The following WWOX variants were observed in gnomAD, a reference collection of about 807,000 sequenced individuals.
WWOX encodes WW domain containing oxidoreductase.
In WWOX, 69 loss-of-function variants were observed where a neutral mutation model predicts 46.2. That is an observed-to-expected ratio of 1.49 (90% CI 1.23 to 1.82). The LOEUF (loss-of-function observed/expected upper bound fraction) is 1.82, where lower values mean the gene tolerates loss of function less well. Among genes scored for constraint, WWOX ranks in the 40% most tolerant of loss-of-function variants. WWOX has a pLI of 0.00. For missense variants in WWOX, 919 were observed against 542.6 expected, an observed-to-expected ratio of 1.69 and a Z score of -6.89; for synonymous variants, 359 against 202.6, an observed-to-expected ratio of 1.77 and a Z score of -6.56.
At chr16:78,516,088 C>T (rs1413112102) in intron 8 of WWOX, among the ~76,000 whole-genome samples, 2 of 152,084 alleles carry the variant, frequency 1.3e-5, no homozygotes, top group East Asian at 1.9e-4. Context: ...TTATTGAAAC[C>T]GTGCAAATGA....
At chr16:79,000,819 C>G (rs963847890) in intron 8 of WWOX, among the ~76,000 whole-genome samples, 1 of 152,168 alleles carries the variant, frequency 6.6e-6, no homozygotes, top group African/African-American at 2.4e-5. Flanking sequence ...AGTTCTCCAG[C>G]CTTCCCCATT....
At chr16:78,554,635 G>C (rs2458029) in intron 8 of WWOX, among the ~76,000 whole-genome samples, 1 of 151,846 alleles carries the variant, frequency 6.6e-6, no homozygotes, top group Non-Finnish European at 1.5e-5. Context: ...CTTTGGACAA[G>C]AAAAAATCCC....
intron 8 of WWOX, among the ~76,000 whole-genome samples, chr16:78,831,535 G>A (rs1294424669): frequency 6.6e-6 from 1 of 152,166 alleles, no homozygotes; most frequent in African/African-American, 2.4e-5. Context: ...CCATGCCCGG[G>A]TGCACAAAGC....
chr16:78,974,238 T>C (rs947088138), intron 8 of WWOX, among the ~76,000 whole-genome samples: 3 of 152,212 alleles, frequency 2.0e-5, no homozygotes, highest in African/African-American at 7.2e-5. Context: ...TTTGGATTTG[T>C]GTTAGAGAAA....
intron 8 of WWOX, among the ~76,000 whole-genome samples, chr16:78,541,213 G>T (rs575454848): frequency 1.3e-4 from 19 of 151,974 alleles, no homozygotes; most frequent in Non-Finnish European, 1.6e-4. Context: ...GGTGGCTCAC[G>T]CCTGTAATCC....
At chr16:79,096,445 C>T (rs2049075821) in intron 8 of WWOX, among the ~76,000 whole-genome samples, 1 of 152,088 alleles carries the variant, frequency 6.6e-6, no homozygotes. Context: ...GGCCTCCCTG[C>T]TGTTCAATGG....
intron 8 of WWOX, among the ~76,000 whole-genome samples, chr16:78,836,959 C>G (rs975333780): frequency 6.6e-5 from 10 of 152,048 alleles, no homozygotes; most frequent in African/African-American, 2.2e-4. Flanking sequence ...TCAAGTGCAG[C>G]AGAAGAGAGA....
intron 8 of WWOX, chr16:79,196,470 C>T (rs539076616): frequency 6.6e-6 from 1 of 152,272 alleles, no homozygotes; most frequent in East Asian, 1.9e-4. Context: ...AGGGTTATCT[C>T]TGCTCACTTA....
intron 8 of WWOX, among the ~76,000 whole-genome samples, chr16:79,109,407 C>G (rs1044882936): frequency 2.0e-5 from 3 of 152,034 alleles, no homozygotes; most frequent in Non-Finnish European, 4.4e-5. Context: ...GATCAAGTAG[C>G]GGTGATAGGT....
intron 8 of WWOX, among the ~76,000 whole-genome samples, chr16:78,868,828 C>T (rs146012412): frequency 1.3e-5 from 2 of 152,166 alleles, no homozygotes; most frequent in African/African-American, 4.8e-5. Context: ...AGACCTGCAG[C>T]TCTTCTAGTC....
chr16:78,977,154 C>T (rs2046588515), intron 8 of WWOX, among the ~76,000 whole-genome samples: 1 of 152,146 alleles, frequency 6.6e-6, no homozygotes, highest in South Asian at 2.1e-4. Context: ...ATCTCTGGTA[C>T]CCTATATATC....
chr16:78,526,103 G>A (rs557434403), intron 8 of WWOX: 1 of 152,324 alleles, frequency 6.6e-6, no homozygotes, highest in East Asian at 1.9e-4. Flanking sequence ...GGTCATCAGT[G>A]AACAGATTCT....
intron 8 of WWOX, among the ~76,000 whole-genome samples, chr16:78,884,069 G>A (rs562881277): frequency 7.9e-5 from 12 of 151,888 alleles, no homozygotes; most frequent in South Asian, 6.3e-4. Flanking sequence ...GCTTGAGCCC[G>A]GGAGTTCAAG....
intron 8 of WWOX, among the ~76,000 whole-genome samples, chr16:78,821,032 C>G (rs1341273505): frequency 2.0e-5 from 3 of 152,174 alleles, no homozygotes; most frequent in African/African-American, 4.8e-5. Flanking sequence ...ATCTTAATTA[C>G]ATTTGCAAAG....
chr16:78,841,433 C>T (rs375940742), intron 8 of WWOX, among the ~76,000 whole-genome samples: 22 of 152,154 alleles, frequency 1.4e-4, no homozygotes, highest in African/African-American at 5.1e-4. Flanking sequence ...TCAGTGACAT[C>T]GTGTTGGTAG....
In WWOX at chr16:79,026,272, A is replaced by G. The variant is rs147895349; in HGVS notation, c.1057-185336A>G. ...GCTTTAGTCACCCTACCCTCGGTCA[A>G]CTCCTAACTCCTGCCTGCCACAGGG... is the stretch of plus-strand genomic sequence containing the variant. On this transcript the variant is annotated intron_variant, in intron 8 of 8. Coordinates refer to ENST00000566780, the MANE Select transcript of WWOX (RefSeq NM_016373.4). 1.6e-3 allele frequency among the ~76,000 whole-genome samples: 248 copies of G among 151,432 alleles called. 4 individuals are homozygous for G. In the East Asian group the frequency reaches 0.045, roughly 28 times the overall value.
chr16:78,373,935 T>G, intron 5 of WWOX, among the ~76,000 whole-genome samples: 1 of 152,066 alleles, frequency 6.6e-6, no homozygotes, highest in East Asian at 1.9e-4. Flanking sequence ...TAAATACGTG[T>G]GCCACCAGGC....
At chr16:78,537,424 C>A (rs1419409148) in intron 8 of WWOX, among the ~76,000 whole-genome samples, 2 of 152,178 alleles carry the variant, frequency 1.3e-5, no homozygotes, top group Non-Finnish European at 2.9e-5. Flanking sequence ...TTCTCACTGA[C>A]TATAGATGTT....
At chr16:78,815,593 A>G (rs1052412842) in intron 8 of WWOX, among the ~76,000 whole-genome samples, 2 of 152,204 alleles carry the variant, frequency 1.3e-5, no homozygotes, top group African/African-American at 4.8e-5. Context: ...CCTCCAAAAC[A>G]CACATTTATG....
Sources: gnomAD v4.1 joint callset for allele counts (sites outside exome capture counted in the v4.1 genomes callset) on GRCh38, gnomAD v4.1.1 for gene constraint, MANE v1.5 for transcripts, NCBI Gene and HGNC (gene_info 2026-07-23, HGNC 2026-07-21) for gene names.